The following PASK variants were observed in gnomAD, a reference collection of about 807,000 sequenced individuals.
PASK encodes the protein PAS domain-containing serine/threonine-protein kinase.
In PASK, 110 loss-of-function variants were observed where a neutral mutation model predicts 121.0. That is an observed-to-expected ratio of 0.91 (90% CI 0.78 to 1.06). The LOEUF is 1.06. Among genes scored for constraint, PASK ranks in the 50% least tolerant of loss-of-function variants. PASK has a pLI of 0.00. For synonymous variants in PASK, 686 were observed against 717.8 expected (o/e 0.96, Z 0.71); for missense variants, 1,643 against 1,702.3 (o/e 0.97, Z 0.61).
intron 7 of PASK, 126 bp downstream of exon 7, chr2:241,136,878 T>C: frequency 1.1e-6 from 1 of 872,438 alleles, no homozygotes; most frequent in South Asian, 1.4e-5. Flanking sequence ...CCAAGGTCCT[T>C]CCTGGGTAAA....
In PASK at chr2:241,149,219, T is replaced by A. The variant is rs1260346892; in HGVS notation, c.-43+195A>T. On this transcript the variant is annotated intron_variant, in intron 1 of 17. Transcript: ENST00000234040. ...CCAACGGCCGCAACCCCGCCGCGAT[T>A]TGGGCACGGAGAGGACGCGGGCTCG... is the stretch of plus-strand genomic sequence containing the variant. Among the ~76,000 whole-genome samples, 6 of 152,000 alleles carry A rather than the reference T, an allele frequency of 3.9e-5. No individual in the cohort carries two copies. The East Asian group carries it at 1.2e-3, about 29-fold the overall frequency.
chr2:241,116,783 G>A (rs1257779052), intron 12 of PASK, among the ~76,000 whole-genome samples: 4 of 152,232 alleles, frequency 2.6e-5, no homozygotes, highest in African/African-American at 7.2e-5. Context: ...GTGTCGGCAC[G>A]CAGCTGAAGG....
chr2:241,150,267 C>A, upstream of PASK: 1 of 1,321,208 alleles, frequency 7.6e-7, no homozygotes, highest in Non-Finnish European at 9.6e-7. Context: ...AGCTTCTCGC[C>A]TCCAGACTGT....
chr2:241,141,945 C>G (rs1027483174), intron 2 of PASK, among the ~76,000 whole-genome samples: 4 of 152,204 alleles, frequency 2.6e-5, no homozygotes, highest in Non-Finnish European at 5.9e-5. Context: ...CTCCGGCTCC[C>G]ACCCCTGCTC....
intron 9 of PASK, among the ~76,000 whole-genome samples, chr2:241,131,395 A>G (rs535150322): frequency 1.2e-4 from 18 of 152,108 alleles, no homozygotes; most frequent in Admixed American, 5.9e-4. Context: ...TGATCCACCC[A>G]CTTCAGCCTC....
In PASK at chr2:241,142,847, T is replaced by C. The variant is rs6709462; in HGVS notation, c.186A>G (p.Thr62=). ...NGLSRLCQSR[T]ALSEDRWSSY... ...GTCGAAGGTCATTACCAGAGAGCGC[T>C]GTCCTGCTCTGGCAGAGTCTGGAAA... Residue 62 remains threonine (T), a synonymous_variant, in exon 2 of 18, where the codon ACA becomes ACG. Coordinates refer to ENST00000234040, the MANE Select transcript of PASK (RefSeq NM_015148.4). 0.49 allele frequency: 781,935 copies of C among 1,610,202 alleles called. 196,602 individuals are homozygous for C. Among genetic ancestry groups the C allele is most frequent in the East Asian group, 0.91 (40,710 of 44,856 alleles).
At chr2:241,122,940 C>T in intron 11 of PASK, 41 bp from the exon 12 acceptor site, 1 of 1,603,390 alleles carries the variant, frequency 6.2e-7, no homozygotes, top group Non-Finnish European at 8.5e-7. Flanking sequence ...CATGCAACTG[C>T]ACCGGGCAGA....
In PASK at chr2:241,106,752, C is replaced by T. The variant is rs974883743; in HGVS notation, c.3815-29G>A. On this transcript the variant is annotated intron_variant, in intron 17 of 17. Transcript: ENST00000234040. ...AAGAAACAAGAAGGTAACTGTATCA[C>T]GTGCTAACAACTTAAGGTTCTAAAA... is the stretch of plus-strand genomic sequence containing the variant. 45 of 1,610,202 alleles carry T rather than the reference C, an allele frequency of 2.8e-5. 1 individual carries two copies. The highest frequency in any genetic ancestry group is 6.7e-5 in the African/African-American group (5 of 74,794).
rs758361460 is a variant in PASK, at chr2:241,138,655, T to G, written c.740A>C (p.Asp247Ala). The change falls in exon 5 of 18, where the codon GAT (aspartate) becomes GCT (alanine). Residue 247 changes from aspartate (D) to alanine (A), a missense_variant and splice_region_variant. Asp to Ala is a moderately radical substitution (Grantham distance 126). This residue lies in a region of PASK where 1,176 missense variants were observed against 1,162.2 expected (regional missense o/e 1.01). Transcript: ENST00000234040. ...RVSTWVAFQS[D>A]GTVTSCDSLF... ...CATGAGGCAAAGTTGCACACTCACA[T>G]CGCTCTGGAAAGCGACCCAGGTCGA... 7 of 1,613,952 alleles carry G rather than the reference T, an allele frequency of 4.3e-6. No homozygotes were observed. Among genetic ancestry groups the G allele is most frequent in the Non-Finnish European group, 5.9e-6 (7 of 1,180,020 alleles).
intron 9 of PASK, among the ~76,000 whole-genome samples, chr2:241,129,108 T>G (rs1454185474): frequency 6.6e-6 from 1 of 152,044 alleles, no homozygotes; most frequent in Non-Finnish European, 1.5e-5. Context: ...ACAAACCCCA[T>G]GCAAATGCTA....
At position 241,126,181 on chromosome 2, in the gene PASK, G is replaced by A. The variant is rs780558098; in HGVS notation, c.2719+15C>T. The A allele has an allele frequency of 1.2e-6, 2 of 1,613,242 alleles. No individual in the cohort carries two copies. The highest frequency in any genetic ancestry group is 8.5e-7 in the Non-Finnish European group (1 of 1,179,512). Reference sequence around the variant, plus strand: ...TGGGAGCACCACACTTCTTCCTATGGGGCCCGGGACATACTCAGCCGTAAG... The same window carrying A: ...TGGGAGCACCACACTTCTTCCTATGAGGCCCGGGACATACTCAGCCGTAAG... On this transcript the variant is annotated intron_variant, in intron 10 of 17. Transcript: ENST00000234040.
intron 1 of PASK, among the ~76,000 whole-genome samples, chr2:241,144,601 G>A (rs758073): frequency 0.06 from 9,089 of 152,198 alleles, 877 homozygotes; most frequent in African/African-American, 0.21. Flanking sequence ...TTTCCACCCA[G>A]GTCCTCCCAC....
chr2:241,130,660 A>G (rs904920487), intron 9 of PASK, among the ~76,000 whole-genome samples: 1 of 152,138 alleles, frequency 6.6e-6, no homozygotes, highest in African/African-American at 2.4e-5. Flanking sequence ...GTGGAAGTAG[A>G]GCAAATAGAG....
chr2:241,127,865 A>G (rs1171154224), intron 9 of PASK: 6 of 304,078 alleles, frequency 2.0e-5, no homozygotes, highest in Admixed American at 4.7e-5. Flanking sequence ...TCCCTGGTAA[A>G]CTCCACAACA....
chr2:241,146,996 G>A (rs2066987166), intron 1 of PASK, among the ~76,000 whole-genome samples: 1 of 152,218 alleles, frequency 6.6e-6, no homozygotes, highest in African/African-American at 2.4e-5. Flanking sequence ...AGATGTGTAG[G>A]AAGCTATTAC....
chr2:241,137,507 T>G (rs375628298), intron 6 of PASK, among the ~76,000 whole-genome samples: 8 of 151,862 alleles, frequency 5.3e-5, no homozygotes, highest in African/African-American at 1.9e-4. Flanking sequence ...CCAGGGCAAG[T>G]GAGACACCCC....
intron 12 of PASK, among the ~76,000 whole-genome samples, chr2:241,118,285 A>G (rs1332548957): frequency 6.6e-6 from 1 of 152,256 alleles, no homozygotes; most frequent in Non-Finnish European, 1.5e-5. Flanking sequence ...ACAGAGCTAC[A>G]GTAATCAAGA....
At chr2:241,118,915 C>T in intron 12 of PASK, 2 of 1,035,174 alleles carry the variant, frequency 1.9e-6, no homozygotes, top group Non-Finnish European at 2.3e-6. Flanking sequence ...GAGATCTTCT[C>T]ATACAAGTCC....
chr2:241,112,670 G>A lies in PASK; in HGVS notation c.3334-231C>T. ...GATGGCCACGTTAGCCGGCAAGGTG[G>A]CAACATCAATGAGACTCGTGAGTTC... On this transcript the variant is annotated intron_variant, in intron 14 of 17. Coordinates refer to ENST00000234040, the MANE Select transcript of PASK (RefSeq NM_015148.4). This position sits in a 1 kb window ranked among gnomAD's most constrained non-coding sequence, Gnocchi z 5.2. 2.0e-6 allele frequency: 1 copy of A among 506,804 alleles called. No homozygotes were observed. The highest frequency in any genetic ancestry group is 2.1e-5 in the South Asian group (1 of 46,866). 31.4% of individuals were successfully genotyped at this position (506,804 alleles called of 1,614,324 possible).
Sources: gnomAD v4.1 joint callset for allele counts (sites outside exome capture counted in the v4.1 genomes callset) on GRCh38, gnomAD v4.1.1 for gene constraint, gnomAD v4.1.1 regional missense constraint, Gnocchi (gnomAD v3.1) non-coding constraint, MANE v1.5 for transcripts, NCBI Gene and HGNC (gene_info 2026-07-23, HGNC 2026-07-21) for gene names.